ROBO2: variants seen among roughly 807,000 people sequenced by gnomAD.
The protein encoded by ROBO2 is roundabout homolog 2.
Under a neutral mutation model 160.8 loss-of-function variants are expected in ROBO2, and 53 were observed. The ratio of observed to expected loss-of-function variants is 0.33; its 90% CI spans 0.26 to 0.41. The LOEUF (loss-of-function observed/expected upper bound fraction) is 0.41, where lower values mean the gene tolerates loss of function less well. ROBO2 is among the 10% of genes least tolerant of loss of function. The pLI is 1.00. For missense variants in ROBO2, 1,577 were observed against 1,722.4 expected (o/e 0.92, Z 1.49); for synonymous variants, 664 against 611.7 (o/e 1.09, Z -1.26).
chr3:76,968,690 G>T (rs961500880), intron 2 of ROBO2, among the ~76,000 whole-genome samples: 1 of 152,070 alleles, frequency 6.6e-6, no homozygotes, highest in Non-Finnish European at 1.5e-5. Context: ...TTTGAGGCTT[G>T]TAGGCTATTA....
chr3:76,819,229 A>G (rs1367708982), intron 2 of ROBO2, among the ~76,000 whole-genome samples: 1 of 152,084 alleles, frequency 6.6e-6, no homozygotes, highest in African/African-American at 2.4e-5. Context: ...CAGAGAGGAC[A>G]TCCCTATCCA....
chr3:77,481,280 A>G (rs1241712607), intron 4 of ROBO2, 61 bp downstream of exon 4: 3 of 1,362,728 alleles, frequency 2.2e-6, no homozygotes, highest in African/African-American at 3.0e-5. Context: ...GCTTTTAAGT[A>G]TTACTAACAT....
intron 2 of ROBO2, among the ~76,000 whole-genome samples, chr3:76,984,897 G>T (rs994722927): frequency 1.3e-5 from 2 of 151,862 alleles, no homozygotes; most frequent in African/African-American, 2.4e-5. Context: ...AAAATATATA[G>T]CATATATAGG....
intron 2 of ROBO2, among the ~76,000 whole-genome samples, chr3:77,232,996 G>A (rs1356737805): frequency 6.6e-6 from 1 of 152,076 alleles, no homozygotes; most frequent in Non-Finnish European, 1.5e-5. Context: ...GCATATTGAA[G>A]AGCTTTAAAT....
At chr3:76,772,601 T>C (rs1018427661) in intron 2 of ROBO2, among the ~76,000 whole-genome samples, 1 of 150,840 alleles carries the variant, frequency 6.6e-6, no homozygotes, top group African/African-American at 2.4e-5. Flanking sequence ...AGATTTATTT[T>C]AAGTTTACTT....
At chr3:76,656,887 A>AT (rs1191712405) in intron 2 of ROBO2, among the ~76,000 whole-genome samples, 1 of 152,164 alleles carries the variant, frequency 6.6e-6, no homozygotes, top group African/African-American at 2.4e-5. Context: ...AGTTAGCAGC[A>AT]TTGTGATTGC....
intron 2 of ROBO2, among the ~76,000 whole-genome samples, chr3:76,341,504 C>G (rs988757201): frequency 1.1e-5 from 1 of 94,682 alleles, no homozygotes; most frequent in Non-Finnish European, 2.2e-5. Flanking sequence ...TATCTCTTTA[C>G]AAAAAAAAAA....
chr3:76,076,648 A>G (rs1291444841), intron 2 of ROBO2, among the ~76,000 whole-genome samples: 4 of 152,228 alleles, frequency 2.6e-5, no homozygotes, highest in Non-Finnish European at 5.9e-5. Context: ...ATCTTACCAC[A>G]GTAATGTATT....
At chr3:77,454,669 T>A (rs1339994535) in intron 2 of ROBO2, among the ~76,000 whole-genome samples, 1 of 152,218 alleles carries the variant, frequency 6.6e-6, no homozygotes, top group South Asian at 2.1e-4. Flanking sequence ...TTTGAATATT[T>A]TTTTCACATC....
chr3:75,937,530 TG>T lies in ROBO2; in HGVS notation c.39del (p.Trp13Ter). ...ACATGAACGTGTCACTAGAAGGATG[TG>T]GACATGGGCTCCGGGACTGTTGATG... On this transcript the variant is annotated frameshift_variant, in exon 2 of 27. Transcript: ENST00000487694. LOFTEE classifies it high-confidence loss of function. 1 of 1,579,146 alleles carries T rather than the reference TG, an allele frequency of 6.3e-7. No individual in the cohort carries two copies. The highest frequency in any genetic ancestry group is 2.2e-5 in the East Asian group (1 of 44,468).
intron 2 of ROBO2, among the ~76,000 whole-genome samples, chr3:76,633,210 T>G (rs1478588596): frequency 1.3e-5 from 2 of 152,174 alleles, no homozygotes; most frequent in Non-Finnish European, 2.9e-5. Context: ...GAAAGATGAT[T>G]TATAAAACAG....
chr3:76,077,659 T>C (rs1157292412), intron 2 of ROBO2, among the ~76,000 whole-genome samples: 1 of 152,020 alleles, frequency 6.6e-6, no homozygotes, highest in African/African-American at 2.4e-5. Flanking sequence ...TACTATTATT[T>C]AAAAAAAGAA....
At chr3:77,372,451 A>T (rs2071909582) in intron 2 of ROBO2, among the ~76,000 whole-genome samples, 2 of 152,126 alleles carry the variant, frequency 1.3e-5, no homozygotes, top group Admixed American at 1.3e-4. Context: ...GGAGAGAAGG[A>T]AATAAATGAT....
chr3:76,489,277 C>G (rs1487440972), intron 2 of ROBO2, among the ~76,000 whole-genome samples: 2 of 150,954 alleles, frequency 1.3e-5, no homozygotes, highest in Non-Finnish European at 2.9e-5. Context: ...CTGTTCATTG[C>G]TGAAATGGGA....
At chr3:77,028,964 C>T (rs750271469) in intron 2 of ROBO2, among the ~76,000 whole-genome samples, 15 of 152,118 alleles carry the variant, frequency 9.9e-5, no homozygotes, top group African/African-American at 1.7e-4. Context: ...ACTGAGTATG[C>T]GTAGTCTAAT....
chr3:77,462,681 G>C (rs1047492012), intron 2 of ROBO2, among the ~76,000 whole-genome samples: 1 of 152,136 alleles, frequency 6.6e-6, no homozygotes, highest in Admixed American at 6.5e-5. Context: ...GTATTAATAA[G>C]TAGTTAATAC....
chr3:76,078,965 C>G (rs2068730044), intron 2 of ROBO2, among the ~76,000 whole-genome samples: 1 of 151,942 alleles, frequency 6.6e-6, no homozygotes, highest in Admixed American at 6.6e-5. Context: ...TCATTGTAGT[C>G]TTGATTTGCA....
At chr3:77,224,199 C>T (rs2086188415) in intron 2 of ROBO2, among the ~76,000 whole-genome samples, 1 of 151,954 alleles carries the variant, frequency 6.6e-6, no homozygotes, top group Non-Finnish European at 1.5e-5. Flanking sequence ...AAGACAGCTT[C>T]TTCACTAGAG....
intron 2 of ROBO2, among the ~76,000 whole-genome samples, chr3:77,221,118 T>C (rs2085729074): frequency 6.6e-6 from 1 of 152,166 alleles, no homozygotes; most frequent in Admixed American, 6.5e-5. Context: ...CAGACCCACA[T>C]AGGCCTGGTG....
Sources: allele counts gnomAD v4.1 joint callset (sites outside exome capture counted in the v4.1 genomes callset), GRCh38; gene constraint gnomAD v4.1.1; transcripts MANE v1.5; gene names NCBI Gene and HGNC (gene_info 2026-07-23, HGNC 2026-07-21).